Variants in NPHP1 observed in about 807,000 individuals in gnomAD.
NPHP1 encodes the protein nephrocystin 1, also known as nephrocystin-1.
A neutral mutation model predicts 90.4 loss-of-function variants in NPHP1; 70 were observed. The ratio of observed to expected loss-of-function variants is 0.77; its 90% CI spans 0.64 to 0.95. The LOEUF (loss-of-function observed/expected upper bound fraction) is 0.95, where lower values mean the gene tolerates loss of function less well. NPHP1 is among the 40% of genes least tolerant of loss of function. The pLI, the probability that NPHP1 is intolerant of heterozygous loss-of-function variation, is 0.00. For missense variants in NPHP1, 764 were observed against 795.9 expected (o/e 0.96, Z 0.48); for synonymous variants, 256 against 271.7 (o/e 0.94, Z 0.57).
Position 110,201,488 on chromosome 2 carries a change from T to TGAA in NPHP1, c.75_76insTTC (p.Asp25_Ser26insPhe). ...TTCAGTTGGCTCTCAGAAAGCAAAC[T>TGAA]ATCAACCTATGGAGACCATTTAAAA... On this transcript the variant is annotated inframe_insertion, in exon 2 of 20. Coordinates refer to ENST00000445609, the MANE Select transcript of NPHP1 (RefSeq NM_001128178.3). 6.2e-7 allele frequency: 1 copy of TGAA among 1,606,788 alleles called. No homozygotes were observed. The highest frequency in any genetic ancestry group is 8.5e-7 in the Non-Finnish European group (1 of 1,174,654).
rs1193717323 is a variant in NPHP1 at position 110,143,797 on chromosome 2, C to T, written c.1430-156G>A. 6 of 637,770 alleles carry T rather than the reference C, an allele frequency of 9.4e-6. No individual in the cohort carries two copies. In the East Asian group the frequency reaches 1.7e-4, roughly 18 times the overall value. The allele number at this position is 637,770 out of a possible 1,614,324, so 39.5% of individuals were successfully genotyped here. On this transcript the variant is annotated intron_variant, in intron 15 of 19. Transcript: ENST00000445609. ...ATACCCTAAATGAGCTGAGAGACCT[C>T]CCTAAGGGCACAGGATTGTTTGCTA... is the stretch of plus-strand genomic sequence containing the variant.
chr2:110,180,448 CT>C (rs3086121), intron 2 of NPHP1, among the ~76,000 whole-genome samples: 3,271 of 80,780 alleles, frequency 0.04, 104 homozygotes, highest in African/African-American at 0.12. Context: ...CCGTTTGAGT[CT>C]TTTTTTTTTT....
intron 11 of NPHP1, among the ~76,000 whole-genome samples, chr2:110,156,403 G>A (rs143466389): frequency 0.013 from 2,041 of 152,176 alleles, 46 homozygotes; most frequent in African/African-American, 0.046. Context: ...TCAGCCATGC[G>A]GAACTGTAAG....
intron 4 of NPHP1, chr2:110,177,992 CA>C: frequency 5.0e-6 from 1 of 200,362 alleles, no homozygotes; most frequent in Non-Finnish European, 1.0e-5. Context: ...CCTCCTGCCT[CA>C]GCCTTCCAAA....
chr2:110,179,982 C>T (rs192165403), intron 2 of NPHP1, among the ~76,000 whole-genome samples: 2 of 152,254 alleles, frequency 1.3e-5, no homozygotes, highest in East Asian at 3.9e-4. Flanking sequence ...TCCAGCTCTA[C>T]AACTCCATAA....
At chr2:110,174,931 AGT>A (rs1307146217) in intron 4 of NPHP1, among the ~76,000 whole-genome samples, 1 of 152,006 alleles carries the variant, frequency 6.6e-6, no homozygotes, top group African/African-American at 2.4e-5. Context: ...GGAGAAAATA[AGT>A]GTGTTAGATA....
intron 11 of NPHP1, among the ~76,000 whole-genome samples, chr2:110,151,129 G>A (rs1258595055): frequency 7.3e-6 from 1 of 136,084 alleles, no homozygotes; most frequent in Non-Finnish European, 1.5e-5. Flanking sequence ...CCACACCACT[G>A]CACTCCAGCC....
intron 9 of NPHP1, among the ~76,000 whole-genome samples, chr2:110,162,747 A>G (rs1051186700): frequency 6.6e-6 from 1 of 152,092 alleles, no homozygotes. Flanking sequence ...AGATGAGGGA[A>G]TGAACCAGTG....
At chr2:110,145,257 C>G (rs1469054258) in intron 14 of NPHP1, among the ~76,000 whole-genome samples, 1 of 152,132 alleles carries the variant, frequency 6.6e-6, no homozygotes, top group African/African-American at 2.4e-5. Context: ...AATTCTGCTC[C>G]TCAGAGGCAA....
In NPHP1 at chr2:110,123,893, G is replaced by A. The variant is rs200631256; in HGVS notation, c.1932C>T (p.Gly644=). ...CTGGTGACAGCAGAGCTTGGAGGGC[G>A]CCCTGGTTTTCTTGGTTTTGCTTAA... ...DFLKQNQENQ[G]ALQALLSPDG... is the part of the protein sequence containing the mutation. The change falls in exon 20 of 20, where the codon GGC becomes GGT. Residue 644 remains glycine (G), a synonymous_variant. Transcript: ENST00000445609. 3.2e-5 allele frequency: 51 copies of A among 1,614,084 alleles called. No individual in the cohort carries two copies. The highest frequency in any genetic ancestry group is 3.3e-4 in the Middle Eastern group (2 of 6,060).
At chr2:110,154,642 CTT>C (rs1225127737) in intron 11 of NPHP1, among the ~76,000 whole-genome samples, 1 of 152,058 alleles carries the variant, frequency 6.6e-6, no homozygotes, top group Non-Finnish European at 1.5e-5. Flanking sequence ...AAAGGTGACT[CTT>C]GTTATGTTTT....
chr2:110,151,168 G>GAAAAAAAAAAAAAAAA, intron 11 of NPHP1, among the ~76,000 whole-genome samples: 1 of 116,478 alleles, frequency 8.6e-6, no homozygotes, highest in Non-Finnish European at 1.7e-5. Flanking sequence ...TCAGTCTCAA[G>GAAAAAAAAAAAAAAAA]AAAAAAAAAA....
At chr2:110,144,842 CAA>C (rs761200814) in intron 14 of NPHP1, among the ~76,000 whole-genome samples, 3 of 151,958 alleles carry the variant, frequency 2.0e-5, no homozygotes, top group Non-Finnish European at 4.4e-5. Context: ...AAAATTAATT[CAA>C]GTCATTAACG....
intron 3 of NPHP1, chr2:110,178,875 C>A: frequency 9.7e-6 from 2 of 205,440 alleles, no homozygotes; most frequent in South Asian, 1.1e-4. Flanking sequence ...ATCCCAAGTT[C>A]TGCCACTTAT....
chr2:110,182,443 G>A (rs1366635011), intron 2 of NPHP1, among the ~76,000 whole-genome samples: 1 of 151,962 alleles, frequency 6.6e-6, no homozygotes, highest in East Asian at 1.9e-4. Flanking sequence ...CCTCTCAGTG[G>A]AAACCCAAAC....
intron 11 of NPHP1, among the ~76,000 whole-genome samples, chr2:110,153,842 G>A (rs1404448278): frequency 2.0e-5 from 3 of 152,042 alleles, no homozygotes; most frequent in African/African-American, 4.8e-5. Context: ...AATTAGCTGG[G>A]TGTGGTAGTG....
intron 16 of NPHP1, among the ~76,000 whole-genome samples, chr2:110,132,054 G>T (rs902043487): frequency 6.6e-6 from 1 of 152,134 alleles, no homozygotes; most frequent in Non-Finnish European, 1.5e-5. Flanking sequence ...TATGTTAAAT[G>T]TCAAATAAAA....
chr2:110,131,048 T>C (rs73954615), intron 17 of NPHP1, among the ~76,000 whole-genome samples: 6,512 of 152,248 alleles, frequency 0.043, 459 homozygotes, highest in African/African-American at 0.15. Context: ...TTTATTGAAC[T>C]GAAAGAAGAG....
Position 110,178,462 on chromosome 2 carries a change from T to C in NPHP1, c.290A>G (p.Gln97Arg), listed in dbSNP as rs1323176430. 6.2e-7 allele frequency: 1 copy of C among 1,613,822 alleles called. No homozygotes were observed. The highest frequency in any genetic ancestry group is 8.5e-7 in the Non-Finnish European group (1 of 1,179,868). The change falls in exon 4 of 20, where the codon CAG (glutamine) becomes CGG (arginine). Residue 97 changes from glutamine to arginine, a missense_variant. Transcript: ENST00000445609. ...TCTGCTTATTGTCACAGCAAGGCCC[T>C]GCAGTTGTTGGGTAAGCTTGTCCAA... ...TLLDKLTQQL[Q>R]GLAVTISREN...
Sources: allele counts gnomAD v4.1 joint callset (sites outside exome capture counted in the v4.1 genomes callset), GRCh38; gene constraint gnomAD v4.1.1; transcripts MANE v1.5; gene names NCBI Gene and HGNC (gene_info 2026-07-23, HGNC 2026-07-21).